Variants in NLGN1 observed in about 807,000 individuals in gnomAD.
NLGN1 encodes the protein neuroligin 1.
In NLGN1, 12 loss-of-function variants were observed where a neutral mutation model predicts 65.5. The ratio of observed to expected loss-of-function variants is 0.18; its 90% CI spans 0.12 to 0.30. The LOEUF (loss-of-function observed/expected upper bound fraction) is 0.30, where lower values mean the gene tolerates loss of function less well. Among genes scored for constraint, NLGN1 ranks in the 10% least tolerant of loss-of-function variants. The probability of loss-of-function intolerance (pLI) is 1.00; values close to 1 mark genes in which losing one functional copy is unlikely to be tolerated. For synonymous variants in NLGN1, 350 were observed against 359.5 expected (o/e 0.97, Z 0.30); for missense variants, 750 against 1,007.1 (o/e 0.74, Z 3.46).
At chr3:174,281,647 AC>A (rs1480250407) in exon 7 of NLGN1, 1 of 202,034 alleles carries the variant, frequency 4.9e-6, no homozygotes, top group East Asian at 1.2e-4. Context: ...AAATAAAAAA[AC>A]AACTATGAAT....
intron 2 of NLGN1, among the ~76,000 whole-genome samples, chr3:173,555,474 T>C (rs1741556507): frequency 6.6e-6 from 1 of 152,112 alleles, no homozygotes; most frequent in Admixed American, 6.6e-5. Context: ...CCTTTTTTTA[T>C]TTGTTTGCTT....
intron 4 of NLGN1, among the ~76,000 whole-genome samples, chr3:173,869,687 T>C (rs959045858): frequency 6.6e-6 from 1 of 152,140 alleles, no homozygotes; most frequent in East Asian, 1.9e-4. Flanking sequence ...AAAGAAATTA[T>C]CACAGGTATT....
chr3:173,839,143 C>A (rs1724262662), intron 4 of NLGN1, among the ~76,000 whole-genome samples: 1 of 147,904 alleles, frequency 6.8e-6, no homozygotes, highest in Non-Finnish European at 1.5e-5. Flanking sequence ...GGTAACTTCA[C>A]CTTTGGTTAA....
At chr3:174,207,822 T>C (rs1735709665) in intron 4 of NLGN1, among the ~76,000 whole-genome samples, 1 of 152,232 alleles carries the variant, frequency 6.6e-6, no homozygotes, top group South Asian at 2.1e-4. Flanking sequence ...TTGCACATTC[T>C]AGGCCTTCAG....
At chr3:173,399,085 T>G (rs1043543824) in intron 1 of NLGN1, among the ~76,000 whole-genome samples, 1 of 152,220 alleles carries the variant, frequency 6.6e-6, no homozygotes, top group Non-Finnish European at 1.5e-5. Flanking sequence ...TATTAAATGT[T>G]AAATGCAAAA....
At chr3:173,713,230 G>A (rs1421097840) in intron 3 of NLGN1, among the ~76,000 whole-genome samples, 1 of 152,064 alleles carries the variant, frequency 6.6e-6, no homozygotes, top group Non-Finnish European at 1.5e-5. Context: ...TAAGAATAAA[G>A]AAAAGGAGTT....
intron 2 of NLGN1, among the ~76,000 whole-genome samples, chr3:173,449,500 T>G (rs1454007108): frequency 7.1e-4 from 108 of 152,188 alleles, no homozygotes; most frequent in East Asian, 9.7e-4. Context: ...GTCAATTTTG[T>G]AATAGGTGTG....
chr3:173,560,576 AC>A (rs1236442428), intron 2 of NLGN1, among the ~76,000 whole-genome samples: 1 of 152,048 alleles, frequency 6.6e-6, no homozygotes, highest in African/African-American at 2.4e-5. Context: ...TTAGGTTAGC[AC>A]CAGTTTTACT....
In NLGN1 at chr3:173,496,751, C is replaced by T. The variant is rs1030425181; in HGVS notation, c.-321+61673C>T. Among the ~76,000 whole-genome samples, 3 of 151,742 alleles carry T rather than the reference C, an allele frequency of 2.0e-5. No homozygotes were observed. In the South Asian group the frequency reaches 6.2e-4, roughly 31 times the overall value. ...GGATTTACCTAATTAATATTACTCACGTGTTTAAACAGAATACACACAATT... is the reference window on the plus strand; with the variant it reads ...GGATTTACCTAATTAATATTACTCATGTGTTTAAACAGAATACACACAATT... On this transcript the variant is annotated intron_variant, in intron 2 of 6. Transcript: ENST00000457714.
At chr3:174,060,208 A>T (rs1737090080) in intron 4 of NLGN1, among the ~76,000 whole-genome samples, 1 of 152,226 alleles carries the variant, frequency 6.6e-6, no homozygotes, top group Admixed American at 6.6e-5. Flanking sequence ...TCAGCTGATG[A>T]AATGGTGGAG....
intron 4 of NLGN1, among the ~76,000 whole-genome samples, chr3:173,914,316 T>G (rs1416858115): frequency 6.6e-6 from 1 of 152,140 alleles, no homozygotes; most frequent in Non-Finnish European, 1.5e-5. Context: ...TTCAAAGGGT[T>G]TAGGCTTTTG....
chr3:173,923,267 T>G (rs1011442606), intron 4 of NLGN1, among the ~76,000 whole-genome samples: 1 of 151,956 alleles, frequency 6.6e-6, no homozygotes, highest in Non-Finnish European at 1.5e-5. Flanking sequence ...GAGTAGAGGG[T>G]CTGTTTTGTG....
chr3:173,749,053 T>A (rs983770389), intron 3 of NLGN1, among the ~76,000 whole-genome samples: 7 of 152,102 alleles, frequency 4.6e-5, no homozygotes, highest in African/African-American at 1.7e-4. Context: ...ATTTGCATTT[T>A]CTGTATGCTT....
At chr3:173,761,186 T>C (rs1230327206) in intron 3 of NLGN1, among the ~76,000 whole-genome samples, 1 of 152,050 alleles carries the variant, frequency 6.6e-6, no homozygotes, top group African/African-American at 2.4e-5. Context: ...TGACTTTCAA[T>C]ACTTATATTA....
chr3:174,175,168 G>A (rs1729216057), intron 4 of NLGN1, among the ~76,000 whole-genome samples: 1 of 151,906 alleles, frequency 6.6e-6, no homozygotes, highest in Non-Finnish European at 1.5e-5. Context: ...TTATAGTACA[G>A]ATTAAATCTG....
At chr3:173,782,566 G>T (rs1402221904) in intron 3 of NLGN1, among the ~76,000 whole-genome samples, 2 of 151,928 alleles carry the variant, frequency 1.3e-5, no homozygotes, top group African/African-American at 2.4e-5. Flanking sequence ...TTTTGCTCTT[G>T]GGAGAAAATA....
intron 3 of NLGN1, among the ~76,000 whole-genome samples, chr3:173,740,088 G>A (rs1204095462): frequency 2.6e-5 from 4 of 152,064 alleles, no homozygotes; most frequent in Admixed American, 6.6e-5. Flanking sequence ...TGGTTGTGTA[G>A]CCTCAGAAGA....
intron 3 of NLGN1, among the ~76,000 whole-genome samples, chr3:173,806,397 A>AT (rs1444714231): frequency 3.3e-5 from 5 of 152,274 alleles, no homozygotes; most frequent in Non-Finnish European, 7.4e-5. Context: ...TGGCACCTCG[A>AT]TTATAAGGAT....
In NLGN1 at chr3:174,280,185, G is replaced by A. The variant is rs1328686910; in HGVS notation, c.1650-296G>A. Among the ~76,000 whole-genome samples, 5 of 151,930 alleles carry A rather than the reference G, an allele frequency of 3.3e-5. No homozygotes were observed. Among genetic ancestry groups the A allele is most frequent in the African/African-American group, 4.8e-5 (2 of 41,404 alleles). On this transcript the variant is annotated intron_variant, in intron 6 of 6. Transcript: ENST00000457714. The surrounding 1 kb of genome is among the most constrained non-coding windows in gnomAD (Gnocchi z 4.9). ...GTCATCTCTGCTAGCTTGCCTATGAGACAACTCATACGTATGTGAGTATTT... is the reference window on the plus strand; with the variant it reads ...GTCATCTCTGCTAGCTTGCCTATGAAACAACTCATACGTATGTGAGTATTT...
Sources: gnomAD v4.1 joint callset for allele counts (sites outside exome capture counted in the v4.1 genomes callset) on GRCh38, gnomAD v4.1.1 for gene constraint, Gnocchi (gnomAD v3.1) non-coding constraint, MANE v1.5 for transcripts, NCBI Gene and HGNC (gene_info 2026-07-23, HGNC 2026-07-21) for gene names.